TBL1XR1: variants seen among roughly 807,000 people sequenced by gnomAD.
TBL1XR1 encodes F-box-like/WD repeat-containing protein TBL1XR1.
Under a neutral mutation model 66.9 loss-of-function variants are expected in TBL1XR1, and 5 were observed. The observed-to-expected ratio is 0.07, with a 90% CI of 0.04 to 0.16. TBL1XR1 has a LOEUF of 0.16. Among genes scored for constraint, TBL1XR1 ranks in the 10% least tolerant of loss-of-function variants. The pLI is 1.00. For missense variants in TBL1XR1, 238 were observed against 623.2 expected, an observed-to-expected ratio of 0.38 and a Z score of 6.58; for synonymous variants, 210 against 206.0, an observed-to-expected ratio of 1.02 and a Z score of -0.17.
At chr3:177,109,435 AT>A in intron 1 of TBL1XR1, among the ~76,000 whole-genome samples, 1 of 152,244 alleles carries the variant, frequency 6.6e-6, no homozygotes, top group African/African-American at 2.4e-5. Context: ...TTGTTTTTGT[AT>A]TTTGGGATGA....
At chr3:177,160,116 C>T (rs1028169125) in intron 1 of TBL1XR1, among the ~76,000 whole-genome samples, 1 of 152,032 alleles carries the variant, frequency 6.6e-6, no homozygotes, top group Admixed American at 6.6e-5. Flanking sequence ...TCAAGAAGCT[C>T]AAATAACAAG....
intron 1 of TBL1XR1, among the ~76,000 whole-genome samples, chr3:177,135,572 C>T (rs1373897817): frequency 1.9e-4 from 29 of 148,792 alleles, no homozygotes; most frequent in African/African-American, 4.9e-4. Context: ...TTAGTAGAGA[C>T]GGCGTTTCAC....
In TBL1XR1 at chr3:177,114,752, G is replaced by A. The variant is rs114241995; in HGVS notation, c.-121-16211C>T. Among the ~76,000 whole-genome samples the A allele has an allele frequency of 8.3e-3, 1,255 of 151,946 alleles. 28 individuals are homozygous for A. The highest frequency in any genetic ancestry group is 0.029 in the African/African-American group (1,201 of 41,444). ...GTGGTTTGGGACGCTGAGATGGGAAGATCGCTTAAGCCCAGGAGTTCGAGA... is the reference window on the plus strand; with the variant it reads ...GTGGTTTGGGACGCTGAGATGGGAAAATCGCTTAAGCCCAGGAGTTCGAGA... On this transcript the variant is annotated intron_variant, in intron 1 of 15. Transcript: ENST00000457928.
At chr3:177,129,800 A>G (rs7613353) in intron 1 of TBL1XR1, among the ~76,000 whole-genome samples, 103,639 of 152,008 alleles carry the variant, frequency 0.68, 35,789 homozygotes, top group African/African-American at 0.78. Context: ...GGTGGTAGAA[A>G]TATCAATAAC....
In TBL1XR1 at chr3:177,075,378, G is replaced by A. The variant is rs74921839; in HGVS notation, c.-45-10356C>T. On this transcript the variant is annotated intron_variant, in intron 2 of 15. Transcript: ENST00000457928. ...CTGGAATAGGGCCCATGCCAATAAC[G>A]TCATCTTAACTTGATTTACAAAGAT... is the stretch of plus-strand genomic sequence containing the variant. Among the ~76,000 whole-genome samples the A allele has an allele frequency of 3.0e-4, 45 of 152,280 alleles. No homozygotes were observed. In the East Asian group the frequency reaches 8.3e-3, roughly 28 times the overall value.
chr3:177,106,557 C>T (rs1376559372), intron 1 of TBL1XR1, among the ~76,000 whole-genome samples: 1 of 152,128 alleles, frequency 6.6e-6, no homozygotes, highest in East Asian at 1.9e-4. Flanking sequence ...GTTTGGACTC[C>T]CTGGCTCTGA....
chr3:177,052,796 T>G (rs553053999), intron 4 of TBL1XR1, among the ~76,000 whole-genome samples: 3 of 152,162 alleles, frequency 2.0e-5, no homozygotes, highest in African/African-American at 7.2e-5. Context: ...GAAAAGCTCC[T>G]CACTATAGAT....
At chr3:177,156,518 T>TACACAC (rs35566193) in intron 1 of TBL1XR1, among the ~76,000 whole-genome samples, 347 of 139,732 alleles carry the variant, frequency 2.5e-3, no homozygotes, top group South Asian at 0.011. Flanking sequence ...TATATATACA[T>TACACAC]ACACACACAC....
chr3:177,131,877 C>T (rs1375591894), intron 1 of TBL1XR1, among the ~76,000 whole-genome samples: 1 of 149,316 alleles, frequency 6.7e-6, no homozygotes, highest in Non-Finnish European at 1.5e-5. Context: ...GATTCCTGCT[C>T]TACTGGCATT....
chr3:177,092,581 G>T (rs1372840002), intron 2 of TBL1XR1, among the ~76,000 whole-genome samples: 3 of 152,196 alleles, frequency 2.0e-5, no homozygotes, highest in South Asian at 2.1e-4. Flanking sequence ...AGAAATTATT[G>T]TCAGCACCTC....
chr3:177,162,054 T>C (rs1441390146), intron 1 of TBL1XR1, among the ~76,000 whole-genome samples: 1 of 152,212 alleles, frequency 6.6e-6, no homozygotes, highest in Non-Finnish European at 1.5e-5. Context: ...TTATAGCAGT[T>C]TCTAAAGTTA....
intron 13 of TBL1XR1, 102 bp from the exon 14 acceptor site, chr3:177,033,238 A>G (rs942517908): frequency 1.0e-6 from 1 of 997,366 alleles, no homozygotes; most frequent in African/African-American, 1.6e-5. Context: ...AATAGCCAAA[A>G]TTCTTTATGA....
Position 177,083,963 on chromosome 3 carries a change from C to G in TBL1XR1, c.-46+14503G>C, listed in dbSNP as rs1721785453. ...ATTAGCTGGGCGTGGTGGCGGGCAC[C>G]TGTAATCCCGGCTACTTGGGAGGCT... On this transcript the variant is annotated intron_variant, in intron 2 of 15. Transcript: ENST00000457928. Among the ~76,000 whole-genome samples, 3 of 151,716 alleles carry G rather than the reference C, an allele frequency of 2.0e-5. No individual in the cohort carries two copies. The South Asian group carries it at 6.2e-4, about 31-fold the overall frequency.
rs140718450 is a variant in TBL1XR1, at chr3:177,191,544, T to C, written c.-122+5577A>G. 3.4e-3 allele frequency among the ~76,000 whole-genome samples: 525 copies of C among 152,288 alleles called. 3 individuals are homozygous for C. Among genetic ancestry groups the C allele is most frequent in the African/African-American group, 0.011 (468 of 41,554 alleles). On this transcript the variant is annotated intron_variant, in intron 1 of 15. Coordinates refer to ENST00000457928, the MANE Select transcript of TBL1XR1 (RefSeq NM_024665.7). ...AAAGCACCTGTATAGTCCTGATACATAGAACTTTTGACTATTAGCAAAGTG... is the reference window on the plus strand; with the variant it reads ...AAAGCACCTGTATAGTCCTGATACACAGAACTTTTGACTATTAGCAAAGTG...
chr3:177,128,575 T>C (rs1247869580), intron 1 of TBL1XR1, among the ~76,000 whole-genome samples: 1 of 152,210 alleles, frequency 6.6e-6, no homozygotes, highest in African/African-American at 2.4e-5. Flanking sequence ...GGTTTTGCCA[T>C]GTTGCCCAGG....
At chr3:177,194,324 T>C (rs759913506) in intron 1 of TBL1XR1, among the ~76,000 whole-genome samples, 8 of 152,248 alleles carry the variant, frequency 5.3e-5, no homozygotes, top group African/African-American at 9.6e-5. Flanking sequence ...TGACTTATAC[T>C]GTAAATGTTA....
chr3:177,028,260 G>A (rs1173552579), intron 14 of TBL1XR1, among the ~76,000 whole-genome samples: 1 of 152,118 alleles, frequency 6.6e-6, no homozygotes, highest in African/African-American at 2.4e-5. Flanking sequence ...ATTTTCTCCT[G>A]CACTGAAAAT....
chr3:177,031,134 AAAAT>A (rs1211221630), intron 14 of TBL1XR1, among the ~76,000 whole-genome samples: 3 of 152,148 alleles, frequency 2.0e-5, no homozygotes, highest in Non-Finnish European at 4.4e-5. Flanking sequence ...ATAAAAATGA[AAAAT>A]AAAGTTTAGC....
intron 1 of TBL1XR1, among the ~76,000 whole-genome samples, chr3:177,139,619 G>C (rs1729400591): frequency 1.3e-5 from 2 of 149,306 alleles, no homozygotes; most frequent in Non-Finnish European, 3.0e-5. Context: ...CATTTGCCTA[G>C]AATATAAACG....
Sources: allele counts gnomAD v4.1 joint callset (sites outside exome capture counted in the v4.1 genomes callset), GRCh38; gene constraint gnomAD v4.1.1; transcripts MANE v1.5; gene names NCBI Gene and HGNC (gene_info 2026-07-23, HGNC 2026-07-21).